The following ALK variants were observed in gnomAD, a reference collection of about 807,000 sequenced individuals.
The protein encoded by ALK is ALK tyrosine kinase receptor.
Under a neutral mutation model 163.1 loss-of-function variants are expected in ALK, and 74 were observed. The ratio of observed to expected loss-of-function variants is 0.45; its 90% CI spans 0.38 to 0.55. The LOEUF is 0.55. Among genes scored for constraint, ALK ranks in the 20% least tolerant of loss-of-function variants. The pLI, the probability that ALK is intolerant of heterozygous loss-of-function variation, is 0.00. For missense variants in ALK, 2,063 were observed against 2,105.3 expected, an observed-to-expected ratio of 0.98 and a Z score of 0.39; for synonymous variants, 960 against 843.2, an observed-to-expected ratio of 1.14 and a Z score of -2.40.
At chr2:29,203,082 T>G (rs1321645548) in intron 26 of ALK, among the ~76,000 whole-genome samples, 1 of 152,190 alleles carries the variant, frequency 6.6e-6, no homozygotes, top group African/African-American at 2.4e-5. Flanking sequence ...GTCCCACCCC[T>G]AGAGTTTCTG....
chr2:29,760,318 C>T (rs1409113785), intron 1 of ALK, among the ~76,000 whole-genome samples: 2 of 152,176 alleles, frequency 1.3e-5, no homozygotes, highest in East Asian at 3.8e-4. Flanking sequence ...AACTGGGCAA[C>T]TCCAGGCAAG....
At chr2:29,823,095 G>A (rs11895779) in intron 1 of ALK, among the ~76,000 whole-genome samples, 4,879 of 152,262 alleles carry the variant, frequency 0.032, 261 homozygotes, top group African/African-American at 0.11. Flanking sequence ...TCTCCTGATA[G>A]TGAATAAGTC....
intron 11 of ALK, among the ~76,000 whole-genome samples, chr2:29,252,261 A>G (rs1664836362): frequency 6.8e-6 from 1 of 148,132 alleles, no homozygotes; most frequent in Non-Finnish European, 1.5e-5. Context: ...CATGTTGGCC[A>G]AAATTCTAAC....
At chr2:29,196,417 C>T (rs1273326325) in intron 28 of ALK, among the ~76,000 whole-genome samples, 1 of 152,146 alleles carries the variant, frequency 6.6e-6, no homozygotes. Context: ...CAGCCAGGCT[C>T]TAAACTATTT....
chr2:29,660,867 C>G (rs745924148), intron 3 of ALK, among the ~76,000 whole-genome samples: 4 of 152,098 alleles, frequency 2.6e-5, no homozygotes, highest in Admixed American at 6.5e-5. Context: ...CTCCCCAATT[C>G]TACCTTGAAG....
chr2:29,789,886 C>T (rs1664143423), intron 1 of ALK, among the ~76,000 whole-genome samples: 1 of 152,176 alleles, frequency 6.6e-6, no homozygotes, highest in African/African-American at 2.4e-5. Context: ...AGCATGGCCC[C>T]TCCAGGCCTC....
At chr2:29,249,707 C>A (rs1205967309) in intron 12 of ALK, among the ~76,000 whole-genome samples, 1 of 152,178 alleles carries the variant, frequency 6.6e-6, no homozygotes, top group East Asian at 1.9e-4. Flanking sequence ...CCTGTGGGTC[C>A]TTAGCAAGCA....
intron 3 of ALK, among the ~76,000 whole-genome samples, chr2:29,601,111 C>G (rs1675368434): frequency 6.6e-6 from 1 of 152,176 alleles, no homozygotes; most frequent in Admixed American, 6.5e-5. Context: ...CTCTCTGATT[C>G]CCATTCTAGA....
chr2:29,852,764 AG>A (rs752450101), intron 1 of ALK, among the ~76,000 whole-genome samples: 21 of 152,024 alleles, frequency 1.4e-4, no homozygotes, highest in Non-Finnish European at 2.4e-4. Context: ...GGAGGTGATT[AG>A]GTCATCAGGG....
chr2:29,563,045 G>A (rs1018082217), intron 3 of ALK, among the ~76,000 whole-genome samples: 1 of 152,162 alleles, frequency 6.6e-6, no homozygotes. Context: ...CAAAAACATG[G>A]TCTCCCAAAG....
chr2:29,507,654 T>C (rs1306561505), intron 4 of ALK, among the ~76,000 whole-genome samples: 2 of 152,200 alleles, frequency 1.3e-5, no homozygotes, highest in Non-Finnish European at 2.9e-5. Flanking sequence ...TTCTATGGCC[T>C]CTGTGCTCAG....
At chr2:29,365,325 G>A (rs541551934) in intron 5 of ALK, among the ~76,000 whole-genome samples, 1 of 152,222 alleles carries the variant, frequency 6.6e-6, no homozygotes, top group African/African-American at 2.4e-5. Flanking sequence ...TCAGGGAGAT[G>A]AAATGAGATT....
At chr2:29,484,715 A>C (rs1671739494) in intron 4 of ALK, among the ~76,000 whole-genome samples, 1 of 152,108 alleles carries the variant, frequency 6.6e-6, no homozygotes, top group Non-Finnish European at 1.5e-5. Context: ...TAGTCTTTTC[A>C]TGAGATCTAT....
chr2:29,459,299 T>C (rs925668071), intron 4 of ALK, among the ~76,000 whole-genome samples: 14 of 152,106 alleles, frequency 9.2e-5, no homozygotes, highest in African/African-American at 3.1e-4. Context: ...AGTCACTTTC[T>C]CCAACATCCA....
intron 4 of ALK, among the ~76,000 whole-genome samples, chr2:29,387,925 A>G (rs1475344105): frequency 1.3e-5 from 2 of 152,238 alleles, no homozygotes; most frequent in African/African-American, 4.8e-5. Flanking sequence ...ATCAGTCTAT[A>G]CAGTCAATTG....
intron 4 of ALK, among the ~76,000 whole-genome samples, chr2:29,416,761 T>A (rs1187944599): frequency 6.6e-6 from 1 of 152,120 alleles, no homozygotes; most frequent in Non-Finnish European, 1.5e-5. Flanking sequence ...TGGGTTCAAA[T>A]CCAGACTCCC....
intron 4 of ALK, among the ~76,000 whole-genome samples, chr2:29,497,468 G>A (rs186340940): frequency 6.6e-6 from 1 of 152,114 alleles, no homozygotes; most frequent in South Asian, 2.1e-4. Context: ...CATGGTGCTT[G>A]CTACTGAGTG....
chr2:29,701,068 G>T (rs1678718521), intron 2 of ALK, among the ~76,000 whole-genome samples: 1 of 152,216 alleles, frequency 6.6e-6, no homozygotes, highest in Non-Finnish European at 1.5e-5. Flanking sequence ...GTAGGTTCCA[G>T]CTATTCTCCA....
At chr2:29,505,858 T>C (rs1039508835) in intron 4 of ALK, among the ~76,000 whole-genome samples, 18 of 149,590 alleles carry the variant, frequency 1.2e-4, no homozygotes, top group Non-Finnish European at 2.1e-4. Context: ...GCAACATCCA[T>C]TCATGGGGTG....
Sources: allele counts gnomAD v4.1 joint callset (sites outside exome capture counted in the v4.1 genomes callset), GRCh38; gene constraint gnomAD v4.1.1; transcripts MANE v1.5; gene names NCBI Gene and HGNC (gene_info 2026-07-23, HGNC 2026-07-21).